The following BAALC variants were observed in gnomAD, a reference collection of about 807,000 sequenced individuals.
BAALC encodes brain and acute leukemia cytoplasmic protein.
BAALC carries 9 observed loss-of-function variants against 15.5 expected under a neutral mutation model. The observed-to-expected ratio is 0.58, with a 90% CI of 0.35 to 1.02. The LOEUF (loss-of-function observed/expected upper bound fraction) is 1.02. Among genes scored for constraint, BAALC ranks in the 50% least tolerant of loss-of-function variants. BAALC has a pLI of 0.02. For missense variants in BAALC, 201 were observed against 192.4 expected (o/e 1.04, Z -0.27); for synonymous variants, 80 against 74.6 (o/e 1.07, Z -0.37).
chr8:103,183,422 G>C, intron 1 of BAALC: 1 of 703,006 alleles, frequency 1.4e-6, no homozygotes, highest in Non-Finnish European at 2.6e-6. Flanking sequence ...TAGGGGCTCT[G>C]CTGGTTCAAG....
intron 1 of BAALC, among the ~76,000 whole-genome samples, chr8:103,187,656 G>A (rs575941159): frequency 4.6e-5 from 7 of 152,208 alleles, no homozygotes; most frequent in South Asian, 4.1e-4. Flanking sequence ...TCATCTCTTT[G>A]GGGTCAGGTT....
chr8:103,213,189 G>A, intron 2 of BAALC, 104 bp downstream of exon 2: 1 of 1,257,404 alleles, frequency 8.0e-7, no homozygotes, highest in African/African-American at 1.5e-5. Context: ...GACCAGGGAT[G>A]GCTCATCTTG....
At chr8:103,215,160 C>G (rs146149999) in intron 2 of BAALC, among the ~76,000 whole-genome samples, 4 of 152,186 alleles carry the variant, frequency 2.6e-5, no homozygotes, top group Admixed American at 6.6e-5. Context: ...TCCTGCCCCC[C>G]CATCCATCAC....
chr8:103,215,595 A>C (rs1812537824), intron 2 of BAALC, among the ~76,000 whole-genome samples: 1 of 152,174 alleles, frequency 6.6e-6, no homozygotes, highest in Non-Finnish European at 1.5e-5. Flanking sequence ...TATTCTGGAA[A>C]CCAGGCCAAG....
At chr8:103,216,185 G>T (rs1326357001) in intron 2 of BAALC, among the ~76,000 whole-genome samples, 1 of 152,154 alleles carries the variant, frequency 6.6e-6, no homozygotes, top group Non-Finnish European at 1.5e-5. Flanking sequence ...AAACATTTGG[G>T]TTGTTTCCAG....
chr8:103,153,368 T>TA (rs1308523469), intron 1 of BAALC: 1 of 152,220 alleles, frequency 6.6e-6, no homozygotes, highest in Non-Finnish European at 1.5e-5. Context: ...TTGCTAGTGT[T>TA]ACAATTTTGC....
chr8:103,154,314 C>T (rs941228093), intron 1 of BAALC, among the ~76,000 whole-genome samples: 2 of 152,054 alleles, frequency 1.3e-5, no homozygotes, highest in Non-Finnish European at 2.9e-5. Flanking sequence ...TCAGGTCTGT[C>T]TCATTCTGAG....
intron 1 of BAALC, among the ~76,000 whole-genome samples, chr8:103,209,238 A>G (rs564008427): frequency 5.9e-5 from 9 of 152,174 alleles, no homozygotes; most frequent in African/African-American, 2.2e-4. Context: ...TGGGTGTGGT[A>G]GCGCATGCCT....
intron 1 of BAALC, among the ~76,000 whole-genome samples, chr8:103,166,498 T>C (rs1292704250): frequency 6.6e-6 from 1 of 152,140 alleles, no homozygotes; most frequent in East Asian, 1.9e-4. Context: ...ACAACGGGCC[T>C]GAGGGCAGAA....
At chr8:103,214,331 T>G (rs146218733) in intron 2 of BAALC, among the ~76,000 whole-genome samples, 1 of 152,244 alleles carries the variant, frequency 6.6e-6, no homozygotes, top group South Asian at 2.1e-4. Flanking sequence ...ATGTCAGATA[T>G]GTAGTCTGTA....
chr8:103,169,941 G>T (rs1811440464), intron 1 of BAALC, among the ~76,000 whole-genome samples: 1 of 152,140 alleles, frequency 6.6e-6, no homozygotes, highest in Non-Finnish European at 1.5e-5. Flanking sequence ...GGTATCTAGT[G>T]GCTTCCATTC....
At chr8:103,205,788 G>C (rs1812314037) in intron 1 of BAALC, among the ~76,000 whole-genome samples, 1 of 152,144 alleles carries the variant, frequency 6.6e-6, no homozygotes, top group South Asian at 2.1e-4. Flanking sequence ...GGGAGTTTTT[G>C]CTAATACCAC....
intron 1 of BAALC, among the ~76,000 whole-genome samples, chr8:103,180,892 T>A (rs1811711547): frequency 6.6e-6 from 1 of 152,236 alleles, no homozygotes; most frequent in Non-Finnish European, 1.5e-5. Flanking sequence ...TGGCTTTTCT[T>A]TTGTTCCTTC....
intron 1 of BAALC, among the ~76,000 whole-genome samples, chr8:103,189,881 T>C (rs1373573851): frequency 6.6e-6 from 1 of 152,144 alleles, no homozygotes; most frequent in Non-Finnish European, 1.5e-5. Context: ...TCCGTCTTCC[T>C]GTCGTGATTA....
At position 103,196,085 on chromosome 8, in the gene BAALC, A is replaced by G. The variant is rs144275578; in HGVS notation, c.161-16834A>G. On this transcript the variant is annotated intron_variant, in intron 1 of 2. Coordinates refer to ENST00000309982, the MANE Select transcript of BAALC (RefSeq NM_024812.3). ...AAGGAACAGTGTTATAAAGACTGTG[A>G]GGTGCCTTCAATGTCCTATAAGGCT... 7.2e-3 allele frequency among the ~76,000 whole-genome samples: 1,099 copies of G among 152,314 alleles called. 9 individuals carry two copies. The highest frequency in any genetic ancestry group is 0.012 in the Admixed American group (186 of 15,298).
At position 103,219,314 on chromosome 8, in the gene BAALC, T is replaced by C. The variant is rs956806601; in HGVS notation, c.327+6229T>C. On this transcript the variant is annotated intron_variant, in intron 2 of 2. Transcript: ENST00000309982. Reference sequence around the variant, plus strand: ...ACTTTAGGGTTATGAACCTAACAGGTACTCACTACCTACGTGTTGATTAAC... The same window carrying C: ...ACTTTAGGGTTATGAACCTAACAGGCACTCACTACCTACGTGTTGATTAAC... 2.6e-5 allele frequency among the ~76,000 whole-genome samples: 4 copies of C among 152,206 alleles called. No homozygotes were observed. In the South Asian group the frequency reaches 8.3e-4, roughly 31 times the overall value.
intron 1 of BAALC, among the ~76,000 whole-genome samples, chr8:103,189,291 T>G (rs146856305): frequency 1.4e-3 from 206 of 152,382 alleles, no homozygotes; most frequent in African/African-American, 4.7e-3. Context: ...TTAATAATTA[T>G]AATTTAACAG....
In BAALC at chr8:103,196,303, C is replaced by G. The variant is rs972460484; in HGVS notation, c.161-16616C>G. Among the ~76,000 whole-genome samples the G allele has an allele frequency of 2.6e-5, 4 of 152,250 alleles. 1 individual carries two copies. In the South Asian group the frequency reaches 8.3e-4, roughly 32 times the overall value. ...TTGTTATTGTTATCGTTTTTTGAGACAGGGTCTCATTCTGTTGCCCAGGCT... is the reference window on the plus strand; with the variant it reads ...TTGTTATTGTTATCGTTTTTTGAGAGAGGGTCTCATTCTGTTGCCCAGGCT... On this transcript the variant is annotated intron_variant, in intron 1 of 2. Coordinates refer to ENST00000309982, the MANE Select transcript of BAALC (RefSeq NM_024812.3).
intron 1 of BAALC, among the ~76,000 whole-genome samples, chr8:103,150,966 TC>T (rs1363306841): frequency 6.6e-6 from 1 of 152,140 alleles, no homozygotes; most frequent in Non-Finnish European, 1.5e-5. Context: ...TCCATCACCC[TC>T]CCTGCTACTT....
Sources: gnomAD v4.1 joint callset for allele counts (sites outside exome capture counted in the v4.1 genomes callset) on GRCh38, gnomAD v4.1.1 for gene constraint, MANE v1.5 for transcripts, NCBI Gene and HGNC (gene_info 2026-07-23, HGNC 2026-07-21) for gene names.